Variants in PLPPR3 observed in about 807,000 individuals in gnomAD.
The protein encoded by PLPPR3 is phospholipid phosphatase-related protein type 3.
A neutral mutation model predicts 27.3 loss-of-function variants in PLPPR3; 14 were observed. The observed-to-expected ratio is 0.51, with a 90% CI of 0.34 to 0.80. The LOEUF (loss-of-function observed/expected upper bound fraction) is 0.80. Ranked by LOEUF, PLPPR3 falls within the 30% of genes least tolerant of loss-of-function variation. The pLI is 0.01. For missense variants in PLPPR3, 1,287 were observed against 1,056.9 expected (o/e 1.22, Z -3.02); for synonymous variants, 671 against 508.0 (o/e 1.32, Z -4.32).
At chr19:823,662 C>T (rs1328357010), upstream of PLPPR3, among the ~76,000 whole-genome samples, 6 of 152,162 alleles carry the variant, frequency 3.9e-5, no homozygotes, top group African/African-American at 4.8e-5. Flanking sequence ...CAGGACTGCA[C>T]GGACTGCCTG....
chr19:813,755 G>C lies in PLPPR3; in HGVS notation c.972C>G (p.Asp324Glu), dbSNP rs537835428. 1 of 1,527,144 alleles carries C rather than the reference G, an allele frequency of 6.5e-7. No homozygotes were observed. The highest frequency in any genetic ancestry group is 2.0e-5 in the Admixed American group (1 of 49,580). 94.6% of individuals were successfully genotyped at this position (1,527,144 alleles called of 1,614,324 possible). Residue 324 changes from aspartate to glutamate, a missense_variant, in exon 8 of 8, where the codon GAC becomes GAG. Asp to Glu is a conservative substitution (Grantham distance 45). Coordinates refer to ENST00000520876, the MANE Select transcript of PLPPR3 (RefSeq NM_001270366.2). This position sits in a 1 kb window ranked among gnomAD's most constrained non-coding sequence, Gnocchi z 4.1. ...CCAGCCGCCCTGGGGGCCCCAGCTC[G>C]TCGGTGCTCACCGACTTATTCTGCT... ...VYQQNKSVST[D>E]ELGPPGRLEG...
At chr19:816,930 A>G (rs1462797061) in intron 2 of PLPPR3, among the ~76,000 whole-genome samples, 1 of 108,362 alleles carries the variant, frequency 9.2e-6, no homozygotes, top group Non-Finnish European at 2.1e-5. Flanking sequence ...CCATCCACCC[A>G]CCCACCCATC....
rs574170202 is a variant in PLPPR3, at chr19:813,764, C to G, written c.963G>C (p.Val321=). ...HDSVYQQNKS[V]STDELGPPGR... ...CTGGGGGCCCCAGCTCGTCGGTGCT[C>G]ACCGACTTATTCTGCTGATAAACCG... Residue 321 remains valine (V), a synonymous_variant, in exon 8 of 8, where the codon GTG becomes GTC. Transcript: ENST00000520876. The surrounding 1 kb of genome is among the most constrained non-coding windows in gnomAD (Gnocchi z 4.1). 39 of 1,528,178 alleles carry G rather than the reference C, an allele frequency of 2.6e-5. No homozygotes were observed. In the African/African-American group the frequency reaches 5.0e-4, roughly 19 times the overall value. The allele number at this position is 1,528,178 out of a possible 1,614,324, so 94.7% of individuals were successfully genotyped here. A position where few individuals can be genotyped will look rare whatever the true frequency, so the allele number is the denominator to read the frequency against.
chr19:820,916 C>T (rs1380358286), intron 2 of PLPPR3, among the ~76,000 whole-genome samples: 4 of 151,418 alleles, frequency 2.6e-5, no homozygotes, highest in Admixed American at 2.0e-4. Context: ...CTTGGCCTCC[C>T]AAAGTGCTGG....
At chr19:819,553 G>C (rs1228035005) in intron 2 of PLPPR3, among the ~76,000 whole-genome samples, 1 of 152,042 alleles carries the variant, frequency 6.6e-6, no homozygotes, top group Non-Finnish European at 1.5e-5. Flanking sequence ...GCCTCCCAAA[G>C]TGCTGGGATT....
chr19:815,170 G>T lies in PLPPR3; in HGVS notation c.403+16C>A. 6.2e-7 allele frequency: 1 copy of T among 1,602,208 alleles called. No homozygotes were observed. Among genetic ancestry groups the T allele is most frequent in the Non-Finnish European group, 8.5e-7 (1 of 1,178,832 alleles). ...TGTGGAGGTAGCTCAGGGTCGGGGC[G>T]CGTCCCGCAACTCACCCACAAACCG... is the stretch of plus-strand genomic sequence containing the variant. On this transcript the variant is annotated intron_variant, in intron 4 of 7. Coordinates refer to ENST00000520876, the MANE Select transcript of PLPPR3 (RefSeq NM_001270366.2).
At chr19:821,162 C>G (rs1323555029) in intron 2 of PLPPR3, among the ~76,000 whole-genome samples, 1 of 149,840 alleles carries the variant, frequency 6.7e-6, no homozygotes, top group South Asian at 2.1e-4. Flanking sequence ...AACCCCACCC[C>G]CTCCGGCCTC....
At chr19:816,678 ACCATCCATCTAT>A (rs1480119243) in intron 2 of PLPPR3, among the ~76,000 whole-genome samples, 3 of 146,430 alleles carry the variant, frequency 2.0e-5, no homozygotes, top group Non-Finnish European at 4.5e-5. Context: ...ACCCAATGGT[ACCATCCATCTAT>A]CCACCCACCC....
chr19:820,357 A>AT (rs926525610), intron 2 of PLPPR3, among the ~76,000 whole-genome samples: 3 of 151,122 alleles, frequency 2.0e-5, no homozygotes, highest in African/African-American at 7.3e-5. Context: ...TAATATTTTA[A>AT]TTTTTTCTGT....
upstream of PLPPR3, among the ~76,000 whole-genome samples, chr19:823,450 A>AAAAAAAAAAACAAC (rs111454578): frequency 4.9e-5 from 7 of 143,838 alleles, no homozygotes; most frequent in Non-Finnish European, 9.1e-5. Context: ...TCAAAAAAAA[A>AAAAAAAAAAACAAC]AAAAAAAACA....
In PLPPR3 at chr19:813,576, G is replaced by T. The variant is rs890995455; in HGVS notation, c.1151C>A (p.Ser384Ter). The T allele has an allele frequency of 6.4e-7, 1 of 1,556,402 alleles. No homozygotes were observed. The change falls in exon 8 of 8, where the codon TCG becomes TAG. Residue 384 changes from serine (S) to a stop codon, truncating the protein, a stop_gained. Transcript: ENST00000520876. LOFTEE classifies it low-confidence loss of function (END_TRUNC). This position sits in a 1 kb window ranked among gnomAD's most constrained non-coding sequence, Gnocchi z 4.1. ...GTGGCGGCGCGCGGGGTCGTCCAGC[G>T]AGGGCGCGCTGGCCCTGGGCAGCGT... ...SHTLPRASAP[S>*]LDDPARRHMT...
intron 2 of PLPPR3, among the ~76,000 whole-genome samples, chr19:817,033 A>G (rs937478243): frequency 2.2e-5 from 3 of 134,338 alleles, no homozygotes; most frequent in African/African-American, 8.6e-5. Flanking sequence ...CTACCCATCT[A>G]TCCACCTACT....
intron 2 of PLPPR3, 99 bp from the exon 3 acceptor site, chr19:815,950 T>TATCCACAG (rs1462207605): frequency 8.0e-7 from 1 of 1,243,650 alleles, no homozygotes; most frequent in Admixed American, 2.3e-5. Flanking sequence ...CTCACTCACC[T>TATCCACAG]ATCCACAGAT....
upstream of PLPPR3, among the ~76,000 whole-genome samples, chr19:822,327 G>A (rs2035161458): frequency 6.6e-6 from 1 of 151,300 alleles, no homozygotes; most frequent in Non-Finnish European, 1.5e-5. Flanking sequence ...CGGGGTCTCT[G>A]ACTGTCTCCG....
Position 812,876 on chromosome 19 carries a change from G to A in PLPPR3, c.1851C>T (p.Gly617=), listed in dbSNP as rs2034958421. ...GCGCCAGGTCCCCCAGCTCGTAGCC[G>A]CCGTCGGCCTCCGCCTTGGCCCCGC... The part of the protein sequence containing the change: ...AGGGAKAEAD[G]GYELGDLARG... The change falls in exon 8 of 8, where the codon GGC becomes GGT. Residue 617 remains glycine, a synonymous_variant. Coordinates refer to ENST00000520876, the MANE Select transcript of PLPPR3 (RefSeq NM_001270366.2). 3 of 1,199,206 alleles carry A rather than the reference G, an allele frequency of 2.5e-6. No individual in the cohort carries two copies. Among genetic ancestry groups the A allele is most frequent in the African/African-American group, 3.3e-5 (2 of 60,210 alleles). 74.3% of individuals were successfully genotyped at this position (1,199,206 alleles called of 1,614,324 possible). A position where few individuals can be genotyped will look rare whatever the true frequency, so the allele number is the denominator to read the frequency against.
At chr19:815,904 T>C (rs2035045723) in intron 2 of PLPPR3, 53 bp from the exon 3 acceptor site, 1 of 1,563,300 alleles carries the variant, frequency 6.4e-7, no homozygotes, top group Non-Finnish European at 8.7e-7. Flanking sequence ...CGGAGGCGTC[T>C]GTCCAGCCCT....
rs1363140057 is a variant in PLPPR3, at chr19:814,560, G to A, written c.705C>T (p.Pro235=). Residue 235 remains proline (P), a synonymous_variant, in exon 7 of 8, where the codon CCC becomes CCT. Coordinates refer to ENST00000520876, the MANE Select transcript of PLPPR3 (RefSeq NM_001270366.2). ...VISDTTKLLK[P]ILVFAFAIAA... ...CGATGGCAAAGGCGAAGACCAGGAT[G>A]GGCTTCAGCAGCTTGGTGGTGTCCG... 1 of 1,612,282 alleles carries A rather than the reference G, an allele frequency of 6.2e-7. No individual in the cohort carries two copies. The highest frequency in any genetic ancestry group is 1.1e-5 in the South Asian group (1 of 91,082).
rs1231328700 is a variant in PLPPR3, at chr19:812,545, C to T, written c.*25G>A. 2 of 964,296 alleles carry T rather than the reference C, an allele frequency of 2.1e-6. No individual in the cohort carries two copies. Among genetic ancestry groups the T allele is most frequent in the South Asian group, 4.6e-5 (1 of 21,924 alleles). The allele number at this position is 964,296 out of a possible 1,614,324, so 59.7% of individuals were successfully genotyped here. A position where few individuals can be genotyped will look rare whatever the true frequency, so the allele number is the denominator to read the frequency against. On this transcript the variant is annotated 3_prime_UTR_variant, in exon 8 of 8. Transcript: ENST00000520876. ...GGCCGCCCGCGCCCTCGGCCCGCCC[C>T]CCGCCCGCCCCCGGCCCCGCCGCGC... is the stretch of plus-strand genomic sequence containing the variant.
intron 2 of PLPPR3, among the ~76,000 whole-genome samples, chr19:817,172 A>G: frequency 6.6e-6 from 1 of 152,168 alleles, no homozygotes; most frequent in Non-Finnish European, 1.5e-5. Context: ...GAGACAGGGT[A>G]TCGTCATGTT....
Sources: gnomAD v4.1 joint callset for allele counts (sites outside exome capture counted in the v4.1 genomes callset) on GRCh38, gnomAD v4.1.1 for gene constraint, Gnocchi (gnomAD v3.1) non-coding constraint, MANE v1.5 for transcripts, NCBI Gene and HGNC (gene_info 2026-07-23, HGNC 2026-07-21) for gene names.